Variants in WDR7 observed in about 807,000 individuals in gnomAD.
The protein encoded by WDR7 is WD repeat domain 7.
In WDR7, 46 loss-of-function variants were observed where a neutral mutation model predicts 169.4. The ratio of observed to expected loss-of-function variants is 0.27; its 90% confidence interval spans 0.21 to 0.35. WDR7 has a LOEUF of 0.35. Among genes scored for constraint, WDR7 ranks in the 10% least tolerant of loss-of-function variants. The pLI, the probability that WDR7 is intolerant of heterozygous loss-of-function variation, is 1.00. For synonymous variants in WDR7, 612 were observed against 666.8 expected (o/e 0.92, Z 1.27); for missense variants, 1,534 against 1,859.3 (o/e 0.83, Z 3.22).
chr18:56,898,650 C>T (rs4801057), intron 21 of WDR7, among the ~76,000 whole-genome samples: 123,937 of 151,966 alleles, frequency 0.82, 50,951 homozygotes, highest in East Asian at 0.98. Context: ...AGAGACATTC[C>T]ACAAAATGAA....
Position 56,696,413 on chromosome 18 carries a change from T to C in WDR7, c.1529T>C (p.Val510Ala). 6.2e-7 allele frequency: 1 copy of C among 1,614,136 alleles called. No homozygotes were observed. The highest frequency in any genetic ancestry group is 1.7e-4 in the Middle Eastern group (1 of 6,060). ...GGAGAAATGAAACATATCTTCTGTG[T>C]TCATGGTGGTGAGATTACTCAACTT... ...FSGEMKHIFC[V>A]HGGEITQLLV... Residue 510 changes from valine (V) to alanine (A), a missense_variant, in exon 12 of 28, where the codon GTT becomes GCT. Transcript: ENST00000254442.
chr18:56,659,200 T>A (rs1265124820), intron 1 of WDR7, among the ~76,000 whole-genome samples: 2 of 129,504 alleles, frequency 1.5e-5, no homozygotes, highest in Non-Finnish European at 3.4e-5. Context: ...AAACAATATG[T>A]TAATGACATT....
intron 26 of WDR7, chr18:57,009,833 A>G: frequency 1.4e-5 from 14 of 985,228 alleles, no homozygotes; most frequent in Non-Finnish European, 1.7e-5. Flanking sequence ...ATTTTGTGTC[A>G]CCAGGCACTA....
chr18:56,731,234 T>C (rs2430898), intron 13 of WDR7, 149 bp from the exon 14 acceptor site: 83,164 of 744,928 alleles, frequency 0.11, 5,456 homozygotes, highest in Non-Finnish European at 0.13. Flanking sequence ...TGGAAGATTG[T>C]TAGAGGAAGG....
chr18:56,695,506 A>G (rs558930343), intron 11 of WDR7, among the ~76,000 whole-genome samples: 1 of 151,830 alleles, frequency 6.6e-6, no homozygotes, highest in South Asian at 2.1e-4. Context: ...AATTCTGAAA[A>G]TCCTCCAGAA....
Position 56,694,962 on chromosome 18 carries a change from C to T in WDR7, c.1121C>T (p.Thr374Ile). 1.2e-6 allele frequency: 2 copies of T among 1,613,504 alleles called. No homozygotes were observed. The highest frequency in any genetic ancestry group is 1.7e-6 in the Non-Finnish European group (2 of 1,179,522). ...KQGSEEGLAM[T>I]TSISLQEAFD... ...CAAACCTCTACAGGGCTGGCAATGACAACTTCTATTAGTTTGCAAGAGGCA... is the reference window on the plus strand; with the variant it reads ...CAAACCTCTACAGGGCTGGCAATGATAACTTCTATTAGTTTGCAAGAGGCA... The change falls in exon 11 of 28, where the codon ACA (threonine) becomes ATA (isoleucine). Residue 374 changes from threonine (T) to isoleucine (I), a missense_variant. Coordinates refer to ENST00000254442, the MANE Select transcript of WDR7 (RefSeq NM_015285.3).
chr18:56,954,174 C>T (rs2047219478), intron 25 of WDR7, among the ~76,000 whole-genome samples: 1 of 152,190 alleles, frequency 6.6e-6, no homozygotes, highest in South Asian at 2.1e-4. Flanking sequence ...AAATCATTGA[C>T]ATTAAAATTT....
chr18:56,657,110 C>A (rs1361346333), intron 1 of WDR7, among the ~76,000 whole-genome samples: 4 of 151,202 alleles, frequency 2.6e-5, no homozygotes, highest in Non-Finnish European at 5.9e-5. Context: ...TGCCTTTATT[C>A]CTGGGTTTAT....
At position 57,028,059 on chromosome 18, in the gene WDR7, C is replaced by A. The variant is rs1263017503; in HGVS notation, c.*852C>A. The A allele has an allele frequency of 4.6e-5, 7 of 152,186 alleles. No individual in the cohort carries two copies. Among genetic ancestry groups the A allele is most frequent in the Admixed American group, 4.6e-4 (7 of 15,280 alleles). The allele number at this position is 152,186 out of a possible 1,614,324, so 9.4% of individuals were successfully genotyped here. The stretch of plus-strand genomic sequence containing the variant: ...ATAGCGTGTACCGAAAATGAAGACT[C>A]TCCTATCTACTGCTACAGATCCTGT... On this transcript the variant is annotated 3_prime_UTR_variant, in exon 28 of 28. Transcript: ENST00000254442.
At chr18:56,910,716 T>C (rs2046540788) in intron 21 of WDR7, among the ~76,000 whole-genome samples, 1 of 152,196 alleles carries the variant, frequency 6.6e-6, no homozygotes, top group Non-Finnish European at 1.5e-5. Context: ...TATCATGTTA[T>C]GCTTCTTTTT....
At position 56,727,373 on chromosome 18, in the gene WDR7, A is replaced by T. The variant is rs374352645; in HGVS notation, c.1775-4010A>T. Among the ~76,000 whole-genome samples, 10 of 151,960 alleles carry T rather than the reference A, an allele frequency of 6.6e-5. No homozygotes were observed. The East Asian group carries it at 1.3e-3, about 20-fold the overall frequency. ...TTTTTTCTATCTTTTGAACCTCTGTATTAGTCCATTCTCATGCTACTGTGA... is the reference window on the plus strand; with the variant it reads ...TTTTTTCTATCTTTTGAACCTCTGTTTTAGTCCATTCTCATGCTACTGTGA... On this transcript the variant is annotated intron_variant, in intron 13 of 27. Coordinates refer to ENST00000254442, the MANE Select transcript of WDR7 (RefSeq NM_015285.3).
chr18:57,020,681 G>A, intron 26 of WDR7, 64 bp from the exon 27 acceptor site: 2 of 1,441,936 alleles, frequency 1.4e-6, no homozygotes, highest in Non-Finnish European at 1.9e-6. Context: ...GAATGCATTT[G>A]TGTGTGTACT....
At chr18:56,744,900 G>C (rs1487749317) in intron 14 of WDR7, among the ~76,000 whole-genome samples, 1 of 152,122 alleles carries the variant, frequency 6.6e-6, no homozygotes, top group Non-Finnish European at 1.5e-5. Context: ...GGTTTCTCAG[G>C]TAAGGACAGG....
intron 1 of WDR7, among the ~76,000 whole-genome samples, chr18:56,664,307 C>G (rs1397374809): frequency 1.3e-5 from 2 of 152,022 alleles, no homozygotes; most frequent in African/African-American, 2.4e-5. Flanking sequence ...GAAATGGAAG[C>G]ACCAAGTTAA....
intron 19 of WDR7, among the ~76,000 whole-genome samples, chr18:56,790,372 A>G (rs139383748): frequency 6.9e-4 from 105 of 152,098 alleles, no homozygotes; most frequent in Non-Finnish European, 1.0e-3. Flanking sequence ...TGATTTTCTT[A>G]TCTCTTTATG....
In WDR7 at chr18:56,938,811, G is replaced by A. The variant is rs201354916; in HGVS notation, c.3981+129G>A. On this transcript the variant is annotated intron_variant, in intron 24 of 27. Transcript: ENST00000254442. ...GAAGGGTGAGAGAGAAAGAATGAGT[G>A]TGTGTGTGTGTGTGTGTGTGTGTGT... is the stretch of plus-strand genomic sequence containing the variant. The A allele has an allele frequency of 0.014, 5,764 of 418,696 alleles. 172 individuals are homozygous for A. The highest frequency in any genetic ancestry group is 0.028 in the Admixed American group (441 of 15,720). The allele number at this position is 418,696 out of a possible 1,614,324, so 25.9% of individuals were successfully genotyped here. A position where few individuals can be genotyped will look rare whatever the true frequency, so the allele number is the denominator to read the frequency against.
In WDR7 at chr18:56,691,359, C is replaced by T. The variant is rs1437129456; in HGVS notation, c.861C>T (p.Ala287=). 2 of 1,584,584 alleles carry T rather than the reference C, an allele frequency of 1.3e-6. No individual in the cohort carries two copies. Among genetic ancestry groups the T allele is most frequent in the East Asian group, 2.3e-5 (1 of 43,728 alleles). ...AAAGTTATATTTACAAACTACCTGC[C>T]AGGTATGCAGCAAGTAATAAATTAG... ...NGQSYIYKLP[A]SCLPASDSFR... The change falls in exon 8 of 28, where the codon GCC becomes GCT. Residue 287 remains alanine (A), a splice_region_variant and synonymous_variant. Coordinates refer to ENST00000254442, the MANE Select transcript of WDR7 (RefSeq NM_015285.3).
intron 21 of WDR7, among the ~76,000 whole-genome samples, chr18:56,908,801 G>A (rs10048330): frequency 0.71 from 107,814 of 152,028 alleles, 39,652 homozygotes; most frequent in East Asian, 0.83. Context: ...AAATTTCCCT[G>A]TTTCCCTCTT....
chr18:57,007,019 A>G (rs900304081), intron 26 of WDR7, among the ~76,000 whole-genome samples: 13 of 145,480 alleles, frequency 8.9e-5, no homozygotes, highest in Admixed American at 2.1e-4. Context: ...TCGCTCTGTC[A>G]CCCAGGCTGG....
Sources: gnomAD v4.1 joint callset for allele counts (sites outside exome capture counted in the v4.1 genomes callset) on GRCh38, gnomAD v4.1.1 for gene constraint, MANE v1.5 for transcripts, NCBI Gene and HGNC (gene_info 2026-07-23, HGNC 2026-07-21) for gene names.